The following JAKMIP3 variants were observed in gnomAD, a reference collection of about 807,000 sequenced individuals.
JAKMIP3 encodes the protein janus kinase and microtubule-interacting protein 3.
A neutral mutation model predicts 118.5 loss-of-function variants in JAKMIP3; 58 were observed. The ratio of observed to expected loss-of-function variants is 0.49; its 90% CI spans 0.40 to 0.61. JAKMIP3 has a LOEUF of 0.61. Ranked by LOEUF, JAKMIP3 falls within the 20% of genes least tolerant of loss-of-function variation. JAKMIP3 has a pLI of 0.00. For missense variants in JAKMIP3, 950 were observed against 1,109.0 expected, an observed-to-expected ratio of 0.86 and a Z score of 2.04; for synonymous variants, 486 against 451.2, an observed-to-expected ratio of 1.08 and a Z score of -0.98.
chr10:132,182,313 C>T (rs1368613793), intron 23 of JAKMIP3, 44 bp from the exon 24 acceptor site: 2 of 152,260 alleles, frequency 1.3e-5, no homozygotes, highest in African/African-American at 4.8e-5. Flanking sequence ...ACACACATTC[C>T]CCAGGTCGTC....
rs368816768 is a variant in JAKMIP3, at chr10:132,133,446, C to T, written c.768C>T (p.Ala256=). The T allele has an allele frequency of 8.2e-6, 13 of 1,588,260 alleles. No individual in the cohort carries two copies. The African/African-American group carries it at 9.4e-5, about 12-fold the overall frequency. Residue 256 remains alanine, a synonymous_variant, in exon 4 of 24, where the codon GCC becomes GCT. Coordinates refer to ENST00000684848, the MANE Select transcript of JAKMIP3 (RefSeq NM_001323087.2). ...AGCAGCTGTCCCAGGTCCGAGAGGC[C>T]GACCGGCACCCGGGCAGCCCCAGAC... is the stretch of plus-strand genomic sequence containing the variant. The part of the protein sequence containing the change: ...LDEQLSQVRE[A]DRHPGSPRRE...
chr10:132,182,723 AG>A lies in JAKMIP3; in HGVS notation c.*1473del, dbSNP rs1426459832. On this transcript the variant is annotated 3_prime_UTR_variant, in exon 24 of 24. Transcript: ENST00000684848. The stretch of plus-strand genomic sequence containing the variant: ...ATAAAAGACACGACTCAGCTGCCGT[AG>A]GGAGGACTGGGTTGTCTGGAAGTAT... 1 of 152,238 alleles carries A rather than the reference AG, an allele frequency of 6.6e-6. No homozygotes were observed. Among genetic ancestry groups the A allele is most frequent in the Non-Finnish European group, 1.5e-5 (1 of 68,050 alleles). The allele number at this position is 152,238 out of a possible 1,614,324, so 9.4% of individuals were successfully genotyped here. A position where few individuals can be genotyped will look rare whatever the true frequency, so the allele number is the denominator to read the frequency against.
At chr10:132,166,539 GC>G (rs925088089) in intron 21 of JAKMIP3, among the ~76,000 whole-genome samples, 2 of 152,136 alleles carry the variant, frequency 1.3e-5, no homozygotes, top group Admixed American at 6.5e-5. Context: ...ATTCTCACAG[GC>G]CTGCTTTTGT....
At position 132,153,945 on chromosome 10, in the gene JAKMIP3, C is replaced by A; in HGVS notation, c.2175C>A (p.Asp725Glu). Residue 725 changes from aspartate to glutamate, a missense_variant, in exon 19 of 24, where the codon GAC (aspartate) becomes GAA (glutamate). Asp to Glu is a conservative substitution (Grantham distance 45). Transcript: ENST00000684848. ...ELFSKQKGYLDEELDYRKQAL... is the reference protein window; with the variant it reads ...ELFSKQKGYLEEELDYRKQAL... ...TCAGTAAGCAGAAGGGCTACCTGGA[C>A]GAGGAGCTGGACTACCGGAAACAGG... 6.2e-7 allele frequency: 1 copy of A among 1,613,072 alleles called. No homozygotes were observed. The highest frequency in any genetic ancestry group is 8.5e-7 in the Non-Finnish European group (1 of 1,179,866).
intron 23 of JAKMIP3, among the ~76,000 whole-genome samples, chr10:132,178,329 T>C (rs1041530470): frequency 3.9e-5 from 6 of 152,034 alleles, no homozygotes; most frequent in Non-Finnish European, 5.9e-5. Flanking sequence ...TCTGTAGAGT[T>C]GAGAGAGACC....
At chr10:132,148,784 G>A (rs910134382) in intron 14 of JAKMIP3, among the ~76,000 whole-genome samples, 5 of 152,208 alleles carry the variant, frequency 3.3e-5, no homozygotes, top group African/African-American at 1.2e-4. Flanking sequence ...TCACGGCAAG[G>A]GTGGTCCACC....
chr10:132,138,068 C>T, intron 8 of JAKMIP3, 51 bp from the exon 9 acceptor site: 2 of 1,535,322 alleles, frequency 1.3e-6, no homozygotes, highest in Non-Finnish European at 1.8e-6. Flanking sequence ...TGGACTGAAA[C>T]CGGTGGAGCT....
intron 1 of JAKMIP3, among the ~76,000 whole-genome samples, chr10:132,067,769 C>CTTCCGTGTGGACTG (rs2039064489): frequency 7.2e-5 from 4 of 55,348 alleles, no homozygotes; most frequent in Admixed American, 6.0e-4. Flanking sequence ...CGTGTGGACT[C>CTTCCGTGTGGACTG]TGGGCTTCCG....
At chr10:132,108,542 A>G (rs1034975904) in intron 2 of JAKMIP3, among the ~76,000 whole-genome samples, 1 of 152,040 alleles carries the variant, frequency 6.6e-6, no homozygotes, top group Non-Finnish European at 1.5e-5. Context: ...TGGGCCACCA[A>G]GACCCCAGAG....
intron 19 of JAKMIP3, among the ~76,000 whole-genome samples, chr10:132,157,462 G>A (rs149013405): frequency 1.1e-3 from 161 of 152,216 alleles, no homozygotes; most frequent in Non-Finnish European, 2.0e-3. Flanking sequence ...CTGACGTCCC[G>A]ACACACAAAT....
intron 3 of JAKMIP3, among the ~76,000 whole-genome samples, chr10:132,132,763 C>A (rs1253722312): frequency 3.3e-5 from 5 of 152,210 alleles, no homozygotes; most frequent in Non-Finnish European, 7.3e-5. Context: ...CAGTGGTGCC[C>A]CTACGTTGCA....
At chr10:132,164,852 C>A (rs2058730948) in intron 21 of JAKMIP3, 117 bp downstream of exon 21, 1 of 722,224 alleles carries the variant, frequency 1.4e-6, no homozygotes, top group South Asian at 1.7e-5. Context: ...TCGCTCCCAA[C>A]AGCAGCGGGA....
chr10:132,055,125 G>C (rs2038204432), intron 1 of JAKMIP3, among the ~76,000 whole-genome samples: 1 of 152,166 alleles, frequency 6.6e-6, no homozygotes, highest in African/African-American at 2.4e-5. Context: ...CTCTCCAGGG[G>C]CCTGAGCAGT....
chr10:132,074,930 AG>A (rs1488363250), intron 1 of JAKMIP3, among the ~76,000 whole-genome samples: 1 of 152,162 alleles, frequency 6.6e-6, no homozygotes, highest in Non-Finnish European at 1.5e-5. Context: ...TTTATTGAAA[AG>A]GGTGTCATTT....
At chr10:132,040,513 C>T (rs1490451790) in intron 1 of JAKMIP3, among the ~76,000 whole-genome samples, 1 of 152,120 alleles carries the variant, frequency 6.6e-6, no homozygotes, top group Admixed American at 6.5e-5. Context: ...ATTTTATATC[C>T]TGCTTTTTAA....
chr10:132,098,884 C>A (rs11598779), intron 1 of JAKMIP3, among the ~76,000 whole-genome samples: 54,198 of 152,100 alleles, frequency 0.36, 9,815 homozygotes, highest in East Asian at 0.43. Flanking sequence ...AGAGACAGGC[C>A]ATACTCAGTA....
chr10:132,155,249 G>A (rs2056953253), intron 19 of JAKMIP3, among the ~76,000 whole-genome samples: 1 of 151,914 alleles, frequency 6.6e-6, no homozygotes, highest in African/African-American at 2.4e-5. Context: ...TGGTGATGAG[G>A]ATGGTAATGA....
chr10:132,077,430 G>A (rs7096677), intron 1 of JAKMIP3, among the ~76,000 whole-genome samples: 2,282 of 152,270 alleles, frequency 0.015, 64 homozygotes, highest in African/African-American at 0.052. Flanking sequence ...GGGCCACAGG[G>A]GGCCCGAAGA....
chr10:132,136,123 C>T (rs373055386), intron 6 of JAKMIP3, 47 bp downstream of exon 6: 10 of 1,593,304 alleles, frequency 6.3e-6, no homozygotes, highest in Non-Finnish European at 8.6e-6. Flanking sequence ...ACCCGAGCTC[C>T]AGGCAGCATC....
Sources: gnomAD v4.1 joint callset for allele counts (sites outside exome capture counted in the v4.1 genomes callset) on GRCh38, gnomAD v4.1.1 for gene constraint, MANE v1.5 for transcripts, NCBI Gene and HGNC (gene_info 2026-07-23, HGNC 2026-07-21) for gene names.